The following PIP4K2A variants were observed in gnomAD, a reference collection of about 807,000 sequenced individuals.
The protein encoded by PIP4K2A is phosphatidylinositol 5-phosphate 4-kinase type-2 alpha.
In PIP4K2A, 14 loss-of-function variants were observed where a neutral mutation model predicts 42.9. The ratio of observed to expected loss-of-function variants is 0.33; its 90% CI spans 0.22 to 0.51. The LOEUF is 0.51. Ranked by LOEUF, PIP4K2A falls within the 20% of genes least tolerant of loss-of-function variation. The pLI is 0.97. For synonymous variants in PIP4K2A, 192 were observed against 192.2 expected (o/e 1.00, Z 0.01); for missense variants, 434 against 519.8 (o/e 0.83, Z 1.61).
intron 4 of PIP4K2A, among the ~76,000 whole-genome samples, chr10:22,578,660 A>G (rs1020431159): frequency 2.7e-5 from 4 of 149,536 alleles, no homozygotes; most frequent in African/African-American, 9.7e-5. Context: ...TTACATTTCT[A>G]TCTGCGTCTC....
rs1486123849 is a variant in PIP4K2A, at chr10:22,537,171, G to A, written c.*30C>T. 8.3e-6 allele frequency: 13 copies of A among 1,558,870 alleles called. No homozygotes were observed. Among genetic ancestry groups the A allele is most frequent in the Non-Finnish European group, 9.7e-6 (11 of 1,139,044 alleles). ...CCGAAGCCACCTCTGTCCATCCAATGTTCATGTCTGTCCGAGGCTGCGCAG... is the reference window on the plus strand; with the variant it reads ...CCGAAGCCACCTCTGTCCATCCAATATTCATGTCTGTCCGAGGCTGCGCAG... On this transcript the variant is annotated 3_prime_UTR_variant, in exon 10 of 10. Transcript: ENST00000376573.
chr10:22,589,941 G>A (rs1837475563), intron 4 of PIP4K2A, among the ~76,000 whole-genome samples: 3 of 152,196 alleles, frequency 2.0e-5, no homozygotes, highest in Admixed American at 1.3e-4. Flanking sequence ...AAATGCTTAC[G>A]TTGAAACCCT....
At chr10:22,609,057 T>A (rs1030007097) in intron 2 of PIP4K2A, among the ~76,000 whole-genome samples, 6 of 152,224 alleles carry the variant, frequency 3.9e-5, no homozygotes, top group Non-Finnish European at 8.8e-5. Flanking sequence ...TGTGTCAGTT[T>A]TTGTACTCTG....
chr10:22,676,780 C>G (rs1839568849), intron 1 of PIP4K2A, among the ~76,000 whole-genome samples: 1 of 152,178 alleles, frequency 6.6e-6, no homozygotes, highest in Non-Finnish European at 1.5e-5. Context: ...ATTCCTTTCC[C>G]TCATGGAGCT....
chr10:22,578,546 C>T (rs567497957), intron 4 of PIP4K2A, among the ~76,000 whole-genome samples: 1 of 152,282 alleles, frequency 6.6e-6, no homozygotes, highest in Admixed American at 6.5e-5. Flanking sequence ...TGCTCTTTGG[C>T]CAATGCTTCC....
chr10:22,667,736 A>G (rs543108209), intron 1 of PIP4K2A, among the ~76,000 whole-genome samples: 13 of 152,316 alleles, frequency 8.5e-5, no homozygotes, highest in African/African-American at 3.1e-4. Context: ...TAATACTTGT[A>G]AAAAGAGGAT....
Position 22,664,285 on chromosome 10 carries a change from A to G in PIP4K2A, c.144+49898T>C, listed in dbSNP as rs75929114. The stretch of plus-strand genomic sequence containing the variant: ...TACACACACATACACACATACACGA[A>G]CTATTGTTCAGAAAGACTATTAAAT... On this transcript the variant is annotated intron_variant, in intron 1 of 9. Coordinates refer to ENST00000376573, the MANE Select transcript of PIP4K2A (RefSeq NM_005028.5). 6.6e-3 allele frequency among the ~76,000 whole-genome samples: 945 copies of G among 144,148 alleles called. 10 individuals are homozygous for G. Among genetic ancestry groups the G allele is most frequent in the African/African-American group, 0.023 (882 of 39,116 alleles). 94.6% of individuals were successfully genotyped at this position (144,148 alleles called of 152,430 possible).
chr10:22,704,988 G>A (rs1312257942), intron 1 of PIP4K2A, among the ~76,000 whole-genome samples: 1 of 152,118 alleles, frequency 6.6e-6, no homozygotes, highest in Non-Finnish European at 1.5e-5. Flanking sequence ...GTAGACTGAC[G>A]GACCCAGCTG....
intron 7 of PIP4K2A, among the ~76,000 whole-genome samples, chr10:22,547,109 A>T (rs979049432): frequency 2.0e-5 from 3 of 152,192 alleles, no homozygotes; most frequent in African/African-American, 7.2e-5. Context: ...CGAGTCTAAG[A>T]CTATCCTTCA....
intron 1 of PIP4K2A, among the ~76,000 whole-genome samples, chr10:22,643,185 C>G (rs145911132): frequency 5.8e-4 from 88 of 152,246 alleles, no homozygotes; most frequent in Non-Finnish European, 1.0e-3. Context: ...CACCCATCTC[C>G]TCATCCCTCT....
At chr10:22,643,219 T>C (rs1778335) in intron 1 of PIP4K2A, among the ~76,000 whole-genome samples, 40,569 of 151,932 alleles carry the variant, frequency 0.27, 5,744 homozygotes, top group Non-Finnish European at 0.31. Flanking sequence ...AACTCCCTTG[T>C]CTACAGTTTG....
At chr10:22,664,196 T>C (rs1446300193) in intron 1 of PIP4K2A, among the ~76,000 whole-genome samples, 1 of 68,290 alleles carries the variant, frequency 1.5e-5, no homozygotes, top group East Asian at 3.0e-4. Flanking sequence ...TATATACATA[T>C]ATATATACAT....
At chr10:22,561,246 A>G (rs1836685954) in intron 6 of PIP4K2A, among the ~76,000 whole-genome samples, 1 of 152,216 alleles carries the variant, frequency 6.6e-6, no homozygotes, top group Admixed American at 6.5e-5. Context: ...AAAAACCTCA[A>G]GACATCTGTA....
chr10:22,574,444 G>GTTTTTTTTTT (rs765734098), intron 4 of PIP4K2A, among the ~76,000 whole-genome samples: 1 of 142,350 alleles, frequency 7.0e-6, no homozygotes, highest in African/African-American at 2.6e-5. Context: ...TTCATTTTCT[G>GTTTTTTTTTT]TTTTTTTTTT....
At chr10:22,672,142 G>C (rs1458347559) in intron 1 of PIP4K2A, among the ~76,000 whole-genome samples, 1 of 152,062 alleles carries the variant, frequency 6.6e-6, no homozygotes, top group Non-Finnish European at 1.5e-5. Context: ...ATGTACAATA[G>C]GCAGTTATTG....
intron 3 of PIP4K2A, among the ~76,000 whole-genome samples, chr10:22,601,130 C>CAAAAAAAAAAAAAAAAAAA (rs1188396077): frequency 1.6e-4 from 5 of 31,924 alleles, no homozygotes; most frequent in Non-Finnish European, 2.6e-4. Context: ...GAGACTGTCT[C>CAAAAAAAAAAAAAAAAAAA]AAAAAAAAAA....
At chr10:22,594,198 C>T (rs890967625) in intron 3 of PIP4K2A, among the ~76,000 whole-genome samples, 4 of 152,276 alleles carry the variant, frequency 2.6e-5, no homozygotes, top group South Asian at 4.1e-4. Context: ...GCATGCAGCA[C>T]GTAAAGTCTA....
At chr10:22,635,820 C>G (rs1838650265) in intron 1 of PIP4K2A, among the ~76,000 whole-genome samples, 1 of 152,176 alleles carries the variant, frequency 6.6e-6, no homozygotes, top group Admixed American at 6.5e-5. Context: ...GCTAGGAATG[C>G]TTAAGAGGTT....
At chr10:22,583,531 G>A (rs542603333) in intron 4 of PIP4K2A, among the ~76,000 whole-genome samples, 1 of 152,254 alleles carries the variant, frequency 6.6e-6, no homozygotes, top group Non-Finnish European at 1.5e-5. Context: ...AGGGGTACAC[G>A]GACACTGAGG....
Sources: allele counts gnomAD v4.1 joint callset (sites outside exome capture counted in the v4.1 genomes callset), GRCh38; gene constraint gnomAD v4.1.1; transcripts MANE v1.5; gene names NCBI Gene and HGNC (gene_info 2026-07-23, HGNC 2026-07-21).